The following NSUN6 variants were observed in gnomAD, a reference collection of about 807,000 sequenced individuals.
The protein encoded by NSUN6 is tRNA (cytosine(72)-C(5))-methyltransferase NSUN6.
Under a neutral mutation model 58.0 loss-of-function variants are expected in NSUN6, and 64 were observed. The observed-to-expected ratio is 1.10, with a 90% CI of 0.90 to 1.36. The LOEUF (loss-of-function observed/expected upper bound fraction) is 1.36. Among genes scored for constraint, NSUN6 ranks in the 40% most tolerant of loss-of-function variants. NSUN6 has a pLI of 0.00. For synonymous variants in NSUN6, 231 were observed against 193.9 expected (o/e 1.19, Z -1.59); for missense variants, 701 against 550.1 (o/e 1.27, Z -2.74).
chr10:18,563,682 C>A (rs529679012), intron 8 of NSUN6, among the ~76,000 whole-genome samples: 2 of 150,514 alleles, frequency 1.3e-5, no homozygotes, highest in African/African-American at 2.4e-5. Flanking sequence ...TTCTCTATAC[C>A]ATTCCATTCT....
At chr10:18,655,672 T>C (rs532429944), upstream of NSUN6, among the ~76,000 whole-genome samples, 1 of 152,262 alleles carries the variant, frequency 6.6e-6, no homozygotes, top group African/African-American at 2.4e-5. Flanking sequence ...GGCAAAGCTG[T>C]TTCCAGAGAA....
chr10:18,598,776 T>C (rs11015060), intron 6 of NSUN6, among the ~76,000 whole-genome samples: 7,953 of 152,258 alleles, frequency 0.052, 290 homozygotes, highest in Non-Finnish European at 0.077. Flanking sequence ...GCAAGTTTTA[T>C]TTATTACAAA....
At chr10:18,577,336 C>G (rs2056700402) in intron 8 of NSUN6, among the ~76,000 whole-genome samples, 1 of 152,150 alleles carries the variant, frequency 6.6e-6, no homozygotes, top group Non-Finnish European at 1.5e-5. Flanking sequence ...GCCAACAACT[C>G]AAGGGTAAAT....
chr10:18,618,643 T>C (rs889580369), intron 3 of NSUN6, among the ~76,000 whole-genome samples: 4 of 149,674 alleles, frequency 2.7e-5, no homozygotes, highest in Non-Finnish European at 4.4e-5. Flanking sequence ...GATGGTGCCA[T>C]TGCACTCCAG....
intron 8 of NSUN6, among the ~76,000 whole-genome samples, chr10:18,556,375 G>C (rs538067217): frequency 6.6e-6 from 1 of 150,864 alleles, no homozygotes; most frequent in African/African-American, 2.4e-5. Context: ...AGAATGGAAG[G>C]CAATGGAATG....
At chr10:18,647,488 A>T (rs1296697515) in intron 2 of NSUN6, among the ~76,000 whole-genome samples, 1 of 152,230 alleles carries the variant, frequency 6.6e-6, no homozygotes, top group Non-Finnish European at 1.5e-5. Flanking sequence ...AGCTTTCAAA[A>T]GCAAAAGAGT....
chr10:18,622,700 A>G (rs2058655022), intron 3 of NSUN6, among the ~76,000 whole-genome samples: 1 of 152,140 alleles, frequency 6.6e-6, no homozygotes, highest in African/African-American at 2.4e-5. Context: ...CAAGAGCAAG[A>G]CTCCGCCTTG....
At chr10:18,566,834 T>G (rs1235946746) in intron 8 of NSUN6, among the ~76,000 whole-genome samples, 2 of 151,228 alleles carry the variant, frequency 1.3e-5, no homozygotes, top group African/African-American at 4.8e-5. Flanking sequence ...TTCCATTCCA[T>G]TCTCCATTCC....
chr10:18,635,655 T>C (rs1489856739), intron 3 of NSUN6, among the ~76,000 whole-genome samples: 1 of 151,620 alleles, frequency 6.6e-6, no homozygotes, highest in Non-Finnish European at 1.5e-5. Context: ...CTGGCCAACA[T>C]GGTAAAACTC....
chr10:18,581,780 C>A (rs948788697), intron 8 of NSUN6, among the ~76,000 whole-genome samples: 1 of 150,646 alleles, frequency 6.6e-6, no homozygotes, highest in Non-Finnish European at 1.5e-5. Context: ...GAGCCGAGAT[C>A]GTGCCACTGT....
chr10:18,641,594 C>A (rs1013170971), intron 3 of NSUN6, among the ~76,000 whole-genome samples: 2 of 151,948 alleles, frequency 1.3e-5, no homozygotes, highest in African/African-American at 4.8e-5. Context: ...GGTCTCCAAC[C>A]CCTGGGCTCA....
chr10:18,594,199 G>GAAGA (rs2057491380), intron 7 of NSUN6, among the ~76,000 whole-genome samples: 1 of 123,082 alleles, frequency 8.1e-6, no homozygotes. Context: ...AAGACTCTGA[G>GAAGA]AAAAAAAAAA....
intron 3 of NSUN6, among the ~76,000 whole-genome samples, chr10:18,619,870 T>C (rs756138117): frequency 1.3e-5 from 2 of 152,176 alleles, no homozygotes; most frequent in Admixed American, 6.5e-5. Flanking sequence ...AAACTACACA[T>C]ACATGTCTGT....
chr10:18,556,931 G>A (rs1017215960), intron 8 of NSUN6, among the ~76,000 whole-genome samples: 13 of 150,598 alleles, frequency 8.6e-5, no homozygotes, highest in Admixed American at 5.3e-4. Flanking sequence ...GGTATGGAAC[G>A]GAATGGAGAA....
At chr10:18,639,298 G>A (rs894606278) in intron 3 of NSUN6, among the ~76,000 whole-genome samples, 33 of 152,086 alleles carry the variant, frequency 2.2e-4, no homozygotes, top group African/African-American at 6.5e-4. Context: ...TTGGAAACCA[G>A]CCTGGCCAAT....
intron 6 of NSUN6, among the ~76,000 whole-genome samples, chr10:18,606,545 C>T (rs1045174864): frequency 2.2e-4 from 34 of 152,134 alleles, no homozygotes; most frequent in African/African-American, 8.0e-4. Flanking sequence ...TTTGGAGCTA[C>T]GTACCTAACA....
intron 6 of NSUN6, among the ~76,000 whole-genome samples, chr10:18,600,169 G>GTAC (rs2057748917): frequency 3.3e-5 from 5 of 151,998 alleles, no homozygotes; most frequent in African/African-American, 1.2e-4. Context: ...GCCACAGGGG[G>GTAC]TATTGGCTTG....
chr10:18,622,976 G>C (rs1342722432), intron 3 of NSUN6, among the ~76,000 whole-genome samples: 1 of 152,154 alleles, frequency 6.6e-6, no homozygotes, highest in Non-Finnish European at 1.5e-5. Flanking sequence ...GAAAACGCTG[G>C]TTGAGAGATG....
chr10:18,648,014 C>T (rs980429574), intron 2 of NSUN6, among the ~76,000 whole-genome samples: 3 of 152,190 alleles, frequency 2.0e-5, no homozygotes, highest in Non-Finnish European at 4.4e-5. Context: ...GCTGCGATTA[C>T]AGGCATGAGC....
Sources: allele counts gnomAD v4.1 joint callset (sites outside exome capture counted in the v4.1 genomes callset), GRCh38; gene constraint gnomAD v4.1.1; transcripts MANE v1.5; gene names NCBI Gene and HGNC (gene_info 2026-07-23, HGNC 2026-07-21).